Variants in PPP1R1C observed in about 807,000 individuals in gnomAD.
PPP1R1C encodes the protein protein phosphatase 1 regulatory inhibitor subunit 1C, also known as protein phosphatase 1 regulatory subunit 1C.
A neutral mutation model predicts 17.4 loss-of-function variants in PPP1R1C; 15 were observed. That is an observed-to-expected ratio of 0.86 (90% CI 0.58 to 1.33). The LOEUF (loss-of-function observed/expected upper bound fraction) is 1.33, where lower values mean the gene tolerates loss of function less well. PPP1R1C is among the 40% of genes most tolerant of loss of function. The probability of loss-of-function intolerance (pLI) is 0.00; values close to 1 mark genes in which losing one functional copy is unlikely to be tolerated. For synonymous variants in PPP1R1C, 35 were observed against 43.1 expected, an observed-to-expected ratio of 0.81 and a Z score of 0.73; for missense variants, 143 against 130.0, an observed-to-expected ratio of 1.10 and a Z score of -0.48.
At chr2:182,027,402 T>G (rs1300109123) in intron 2 of PPP1R1C, among the ~76,000 whole-genome samples, 3 of 130,390 alleles carry the variant, frequency 2.3e-5, no homozygotes. Flanking sequence ...CCTAATTTAT[T>G]GAGAGTTTTT....
At chr2:181,989,931 T>G (rs1685410496) in intron 2 of PPP1R1C, among the ~76,000 whole-genome samples, 2 of 152,218 alleles carry the variant, frequency 1.3e-5, no homozygotes. Context: ...AGTGATGGAT[T>G]TTTGTAGTAA....
At chr2:182,073,655 TC>T (rs1453730716) in intron 4 of PPP1R1C, among the ~76,000 whole-genome samples, 1 of 152,200 alleles carries the variant, frequency 6.6e-6, no homozygotes. Flanking sequence ...AGCTGGCACT[TC>T]CTGTCACAGC....
chr2:182,052,026 A>G (rs1687536763), intron 2 of PPP1R1C, among the ~76,000 whole-genome samples: 1 of 152,130 alleles, frequency 6.6e-6, no homozygotes, highest in Admixed American at 6.5e-5. Context: ...TCATGATAAT[A>G]CAATGATTAA....
chr2:182,117,115 CTT>C (rs1449246236), intron 4 of PPP1R1C, 90 bp from the exon 5 acceptor site: 1 of 886,534 alleles, frequency 1.1e-6, no homozygotes, highest in African/African-American at 1.7e-5. Flanking sequence ...CAAATGAAAA[CTT>C]TGCACTCTTT....
At chr2:182,091,746 C>G (rs1688787837) in intron 4 of PPP1R1C, among the ~76,000 whole-genome samples, 1 of 152,146 alleles carries the variant, frequency 6.6e-6, no homozygotes, top group South Asian at 2.1e-4. Context: ...CTCTGTAGCA[C>G]TGATTACCTT....
chr2:181,961,680 C>T lies in PPP1R1C; in HGVS notation n.111+7046C>T. ...CAATCTGCTGAGACCAGCACTTGTC[C>T]AGCTCCTCTCAGTTCTTTCGAGTCA... On this transcript the variant is annotated intron_variant and non_coding_transcript_variant, in intron 1 of 5. Transcript: ENST00000464264. This position sits in a 1 kb window ranked among gnomAD's most constrained non-coding sequence, Gnocchi z 5.8. 2.6e-6 allele frequency: 2 copies of T among 765,232 alleles called. No individual in the cohort carries two copies. Among genetic ancestry groups the T allele is most frequent in the Non-Finnish European group, 2.3e-6 (1 of 425,624 alleles). The allele number at this position is 765,232 out of a possible 1,614,324, so 47.4% of individuals were successfully genotyped here. A position where few individuals can be genotyped will look rare whatever the true frequency, so the allele number is the denominator to read the frequency against.
chr2:182,068,990 C>T (rs1416811176), intron 4 of PPP1R1C, among the ~76,000 whole-genome samples: 2 of 152,120 alleles, frequency 1.3e-5, no homozygotes, highest in South Asian at 2.1e-4. Flanking sequence ...TCTCATTACC[C>T]GTCGCACATT....
chr2:181,998,838 C>T (rs1685684717), intron 2 of PPP1R1C, among the ~76,000 whole-genome samples: 1 of 152,216 alleles, frequency 6.6e-6, no homozygotes, highest in South Asian at 2.1e-4. Flanking sequence ...ATTTTAAGCA[C>T]TTCTCACCTG....
Position 181,976,004 on chromosome 2 carries a change from A to T in PPP1R1C, n.157+740A>T, listed in dbSNP as rs1685086059. ...CTGCATCAAAATGCAAAAGAACCTTAAAAATATTATTTAAAATTATCTTTG... is the reference window on the plus strand; with the variant it reads ...CTGCATCAAAATGCAAAAGAACCTTTAAAATATTATTTAAAATTATCTTTG... On this transcript the variant is annotated intron_variant and non_coding_transcript_variant, in intron 2 of 5. Coordinates refer to the PPP1R1C transcript ENST00000464264. The surrounding 1 kb of genome is among the most constrained non-coding windows in gnomAD (Gnocchi z 4.8). Among the ~76,000 whole-genome samples the T allele has an allele frequency of 1.3e-5, 2 of 152,110 alleles. No individual in the cohort carries two copies. The highest frequency in any genetic ancestry group is 4.1e-4 in the South Asian group (2 of 4,830).
At chr2:182,095,986 A>C (rs143115094) in intron 4 of PPP1R1C, among the ~76,000 whole-genome samples, 2 of 138,746 alleles carry the variant, frequency 1.4e-5, no homozygotes, top group Admixed American at 7.5e-5. Context: ...GACACACACA[A>C]AAAAACTCTA....
At chr2:181,954,944 A>C (rs942031998) in intron 1 of PPP1R1C, among the ~76,000 whole-genome samples, 10 of 152,222 alleles carry the variant, frequency 6.6e-5, no homozygotes, top group African/African-American at 9.7e-5. Flanking sequence ...GGAGCTGTGG[A>C]GTTCTCAAAT....
intron 2 of PPP1R1C, among the ~76,000 whole-genome samples, chr2:182,032,865 G>C (rs1222754471): frequency 6.6e-6 from 1 of 152,088 alleles, no homozygotes; most frequent in Non-Finnish European, 1.5e-5. Context: ...ATATATTCAA[G>C]CCTCTTATTT....
chr2:181,984,887 G>T (rs1685259781), upstream of PPP1R1C, among the ~76,000 whole-genome samples: 1 of 152,146 alleles, frequency 6.6e-6, no homozygotes, highest in Non-Finnish European at 1.5e-5. Flanking sequence ...GTATTCGAAT[G>T]CATGAAGGCC....
rs1684687066 is a variant in PPP1R1C, at chr2:181,957,340, G to A, written n.111+2706G>A. 6.6e-6 allele frequency among the ~76,000 whole-genome samples: 1 copy of A among 152,110 alleles called. No individual in the cohort carries two copies. Among genetic ancestry groups the A allele is most frequent in the Non-Finnish European group, 1.5e-5 (1 of 68,018 alleles). On this transcript the variant is annotated intron_variant and non_coding_transcript_variant, in intron 1 of 5. Transcript: ENST00000464264. This position sits in a 1 kb window ranked among gnomAD's most constrained non-coding sequence, Gnocchi z 4.2. ...CCACTGCACTTCAACCTGGGCGACAGAGTGAGACTCTGTCTTAAAAAGAGA... is the reference window on the plus strand; with the variant it reads ...CCACTGCACTTCAACCTGGGCGACAAAGTGAGACTCTGTCTTAAAAAGAGA...
chr2:182,097,952 C>G (rs1027456821), intron 4 of PPP1R1C, among the ~76,000 whole-genome samples: 9 of 152,166 alleles, frequency 5.9e-5, no homozygotes, highest in Non-Finnish European at 1.3e-4. Context: ...TCTTTTACCT[C>G]TCACGTGATC....
intron 2 of PPP1R1C, among the ~76,000 whole-genome samples, chr2:181,995,757 T>G (rs1394797269): frequency 6.6e-6 from 1 of 152,144 alleles, no homozygotes. Context: ...TTCCTTTTTT[T>G]TTTTTTTGGA....
Position 182,052,262 on chromosome 2 carries a change from A to T in PPP1R1C, c.143-9180A>T, listed in dbSNP as rs113277807. 4.8e-4 allele frequency among the ~76,000 whole-genome samples: 73 copies of T among 152,330 alleles called. 3 individuals carry two copies. Among genetic ancestry groups the T allele is most frequent in the African/African-American group, 1.7e-3 (71 of 41,586 alleles). ...TAGTTTTAAGGGATGGGATAAAAGTAAATCATCAGATTAAAAAAGTGTCAA... is the reference window on the plus strand; with the variant it reads ...TAGTTTTAAGGGATGGGATAAAAGTTAATCATCAGATTAAAAAAGTGTCAA... On this transcript the variant is annotated intron_variant, in intron 2 of 4. Transcript: ENST00000682840.
Position 182,055,082 on chromosome 2 carries a change from T to C in PPP1R1C, c.143-6360T>C, listed in dbSNP as rs111308634. On this transcript the variant is annotated intron_variant, in intron 2 of 4. Coordinates refer to ENST00000682840, the MANE Select transcript of PPP1R1C (RefSeq NM_001080545.3). ...CATTTTGTTTTTAGTTTCTGGTTTT[T>C]TTTTTATCTTTGCCTAGGTTACTTG... is the stretch of plus-strand genomic sequence containing the variant. Among the ~76,000 whole-genome samples, 1,375 of 152,266 alleles carry C rather than the reference T, an allele frequency of 9.0e-3. 14 individuals carry two copies. Among genetic ancestry groups the C allele is most frequent in the Middle Eastern group, 0.048 (14 of 294 alleles).
At chr2:181,995,071 A>G (rs1685575800) in intron 2 of PPP1R1C, among the ~76,000 whole-genome samples, 1 of 152,224 alleles carries the variant, frequency 6.6e-6, no homozygotes, top group African/African-American at 2.4e-5. Context: ...AAACAGGTAA[A>G]TTAATTATCA....
Sources: allele counts gnomAD v4.1 joint callset (sites outside exome capture counted in the v4.1 genomes callset), GRCh38; gene constraint gnomAD v4.1.1; non-coding constraint Gnocchi (gnomAD v3.1); transcripts MANE v1.5; gene names NCBI Gene and HGNC (gene_info 2026-07-23, HGNC 2026-07-21).